The following MPP4 variants were observed in gnomAD, a reference collection of about 807,000 sequenced individuals.
MPP4 encodes MAGUK p55 subfamily member 4.
In MPP4, 91 loss-of-function variants were observed where a neutral mutation model predicts 98.3. That is an observed-to-expected ratio of 0.93 (90% confidence interval 0.78 to 1.10). MPP4 has a LOEUF of 1.10. Among genes scored for constraint, MPP4 ranks in the 50% least tolerant of loss-of-function variants. MPP4 has a pLI of 0.00. For missense variants in MPP4, 744 were observed against 792.9 expected, an observed-to-expected ratio of 0.94 and a Z score of 0.74; for synonymous variants, 261 against 271.8, an observed-to-expected ratio of 0.96 and a Z score of 0.39.
chr2:201,678,136 T>C (rs955577367), intron 10 of MPP4, among the ~76,000 whole-genome samples: 5 of 152,158 alleles, frequency 3.3e-5, no homozygotes, highest in Admixed American at 6.5e-5. Flanking sequence ...AAAAGCAGCA[T>C]GAGAACTTCC....
intron 16 of MPP4, among the ~76,000 whole-genome samples, chr2:201,658,088 C>T (rs116756765): frequency 0.01 from 1,589 of 151,944 alleles, 26 homozygotes; most frequent in African/African-American, 0.036. Context: ...AAGCCCAGAG[C>T]GGTTTTACAT....
chr2:201,672,643 A>G (rs1207029861), intron 11 of MPP4, among the ~76,000 whole-genome samples: 1 of 152,226 alleles, frequency 6.6e-6, no homozygotes, highest in African/African-American at 2.4e-5. Flanking sequence ...AATAAACTAG[A>G]AAATCTAGAG....
chr2:201,663,816 A>G (rs1478840945), intron 14 of MPP4, among the ~76,000 whole-genome samples: 1 of 152,168 alleles, frequency 6.6e-6, no homozygotes, highest in Admixed American at 6.5e-5. Flanking sequence ...CAGGAATTCG[A>G]GGCTGCAATG....
chr2:201,660,231 T>C lies in MPP4; in HGVS notation c.1087+101A>G, dbSNP rs1331497525. ...ACCATAAACAACAACAAATTCCGTA[T>C]CTTCATCTTAAACATTATCCAGTCA... On this transcript the variant is annotated intron_variant, in intron 15 of 21. Coordinates refer to ENST00000409474, the MANE Select transcript of MPP4 (RefSeq NM_033066.3). 12 of 1,143,700 alleles carry C rather than the reference T, an allele frequency of 1.0e-5. No homozygotes were observed. In the South Asian group the frequency reaches 1.6e-4, roughly 15 times the overall value. The allele number at this position is 1,143,700 out of a possible 1,614,324, so 70.8% of individuals were successfully genotyped here.
intron 13 of MPP4, chr2:201,665,669 T>G (rs1249502474): frequency 6.6e-6 from 1 of 152,232 alleles, no homozygotes; most frequent in African/African-American, 2.4e-5. Context: ...TGTGAATCAT[T>G]GAAATGCCCA....
At chr2:201,649,469 A>AC (rs1299132416) in intron 20 of MPP4, 107 bp downstream of exon 20, 87 of 767,482 alleles carry the variant, frequency 1.1e-4, no homozygotes, top group Admixed American at 7.1e-4. Flanking sequence ...CTTATTCTTA[A>AC]AAGGCTAACA....
intron 14 of MPP4, among the ~76,000 whole-genome samples, chr2:201,661,265 A>ATCACCTCG (rs1688017555): frequency 6.6e-6 from 1 of 151,482 alleles, no homozygotes; most frequent in African/African-American, 2.4e-5. Context: ...AAACCATACA[A>ATCACCTCG]TCACCTCGTC....
intron 15 of MPP4, 121 bp downstream of exon 15, chr2:201,660,210 TA>T (rs1395880946): frequency 2.0e-5 from 20 of 997,584 alleles, no homozygotes; most frequent in Non-Finnish European, 3.0e-5. Flanking sequence ...GGGAAAACCA[TA>T]AACAACAACA....
At chr2:201,697,377 A>T (rs546521105) in intron 1 of MPP4, among the ~76,000 whole-genome samples, 1 of 152,304 alleles carries the variant, frequency 6.6e-6, no homozygotes, top group Non-Finnish European at 1.5e-5. Flanking sequence ...TCTTGCCCTC[A>T]TAGCACTTCT....
At chr2:201,651,380 A>G in intron 18 of MPP4, 1 of 985,400 alleles carries the variant, frequency 1.0e-6, no homozygotes. Context: ...TTAAAACAAA[A>G]TTCTAGTAAA....
At chr2:201,655,880 G>A (rs78595781) in intron 17 of MPP4, among the ~76,000 whole-genome samples, 4,913 of 151,956 alleles carry the variant, frequency 0.032, 241 homozygotes, top group African/African-American at 0.11. Context: ...ATCTGTCTGG[G>A]GAAACACTCA....
At chr2:201,654,319 C>T (rs967711189) in intron 18 of MPP4, among the ~76,000 whole-genome samples, 2 of 152,252 alleles carry the variant, frequency 1.3e-5, no homozygotes, top group South Asian at 2.1e-4. Context: ...TATAATCATA[C>T]TCATAAATTT....
rs1687922502 is a variant in MPP4 at position 201,658,490 on chromosome 2, C to T, written c.1116G>A (p.Gln372=). 1.9e-6 allele frequency: 3 copies of T among 1,613,256 alleles called. No individual in the cohort carries two copies. The highest frequency in any genetic ancestry group is 2.5e-6 in the Non-Finnish European group (3 of 1,179,622). ...EDKEEFVGYG[Q]KFFIAGFRRS... ...TTTATCACCTACCTATAAAGAACTT[C>T]TGACCGTAGCCAACAAACTCCTCCT... The change falls in exon 16 of 22, where the codon CAG becomes CAA. Residue 372 remains glutamine, a synonymous_variant. Coordinates refer to ENST00000409474, the MANE Select transcript of MPP4 (RefSeq NM_033066.3).
rs140185985 is a variant in MPP4, at chr2:201,678,166, G to GC, written c.929+2671dup. Among the ~76,000 whole-genome samples, 152 of 151,886 alleles carry GC rather than the reference G, an allele frequency of 1.0e-3. 1 individual carries two copies. The highest frequency in any genetic ancestry group is 2.8e-3 in the African/African-American group (116 of 41,402). ...ACTTCCTATCATTCTTTGTTTGTGT[G>GC]CCCCCCCAAGAAACCCATAATTGGG... On this transcript the variant is annotated intron_variant, in intron 10 of 21. Coordinates refer to ENST00000409474, the MANE Select transcript of MPP4 (RefSeq NM_033066.3).
chr2:201,677,602 A>G (rs1161231556), intron 10 of MPP4, among the ~76,000 whole-genome samples: 2 of 152,232 alleles, frequency 1.3e-5, no homozygotes, highest in Non-Finnish European at 2.9e-5. Flanking sequence ...AAAATATTTT[A>G]TGCGCTCATT....
intron 10 of MPP4, among the ~76,000 whole-genome samples, chr2:201,677,176 A>G (rs1371604488): frequency 6.6e-6 from 1 of 151,766 alleles, no homozygotes; most frequent in African/African-American, 2.4e-5. Context: ...CTCATTCTCT[A>G]TCAGCTTCCT....
intron 15 of MPP4, among the ~76,000 whole-genome samples, chr2:201,659,649 A>C (rs145350777): frequency 3.4e-3 from 515 of 152,270 alleles, no homozygotes; most frequent in Non-Finnish European, 6.0e-3. Context: ...CCTACCCAAC[A>C]TGGTGAAACC....
chr2:201,692,031 A>C (rs1222867080), intron 3 of MPP4, among the ~76,000 whole-genome samples: 1 of 152,238 alleles, frequency 6.6e-6, no homozygotes, highest in Non-Finnish European at 1.5e-5. Flanking sequence ...CTCTGGAAGA[A>C]AAAGAGCTGT....
rs575139862 is a variant in MPP4 at position 201,685,390 on chromosome 2, T to C, written c.493-245A>G. 1.7e-3 allele frequency among the ~76,000 whole-genome samples: 263 copies of C among 152,326 alleles called. 1 individual carries two copies. Among genetic ancestry groups the C allele is most frequent in the African/African-American group, 6.1e-3 (254 of 41,562 alleles). ...ACAGTGCCCTGTGGCCTGTCAGTCA[T>C]AGCATGCCATCAAAAAGGAAAGGCC... On this transcript the variant is annotated intron_variant, in intron 6 of 21. Transcript: ENST00000409474.
Sources: gnomAD v4.1 joint callset for allele counts (sites outside exome capture counted in the v4.1 genomes callset) on GRCh38, gnomAD v4.1.1 for gene constraint, MANE v1.5 for transcripts, NCBI Gene and HGNC (gene_info 2026-07-23, HGNC 2026-07-21) for gene names.